Variants in VPS13C observed in about 807,000 individuals in gnomAD.
VPS13C encodes the protein intermembrane lipid transfer protein VPS13C.
A neutral mutation model predicts 456.8 loss-of-function variants in VPS13C; 358 were observed. That is an observed-to-expected ratio of 0.78 (90% CI 0.72 to 0.86). The LOEUF (loss-of-function observed/expected upper bound fraction) is 0.86, where lower values mean the gene tolerates loss of function less well. Among genes scored for constraint, VPS13C ranks in the 40% least tolerant of loss-of-function variants. The probability of loss-of-function intolerance (pLI) is 0.00; values close to 1 mark genes in which losing one functional copy is unlikely to be tolerated. For missense variants in VPS13C, 4,818 were observed against 4,385.4 expected, an observed-to-expected ratio of 1.10 and a Z score of -2.79; for synonymous variants, 1,578 against 1,486.7, an observed-to-expected ratio of 1.06 and a Z score of -1.41.
At chr15:61,891,185 T>A (rs781741451) in intron 66 of VPS13C, among the ~76,000 whole-genome samples, 2 of 152,206 alleles carry the variant, frequency 1.3e-5, no homozygotes, top group Non-Finnish European at 2.9e-5. Context: ...ATATGAGGCT[T>A]GATTTGGTCA....
chr15:61,949,348 A>G, intron 42 of VPS13C, 95 bp downstream of exon 42: 6 of 1,424,184 alleles, frequency 4.2e-6, no homozygotes, highest in Non-Finnish European at 5.8e-6. Flanking sequence ...CAGCAATGTC[A>G]ACATGCTAAA....
At position 61,973,489 on chromosome 15, in the gene VPS13C, A is replaced by G. The variant is rs1401153906; in HGVS notation, c.2582T>C (p.Leu861Pro). ...AGTGTCTAGCAATAGTGAAGTACCAAGTAGACCTTTTGTACCACCTGAAAT... is the reference window on the plus strand; with the variant it reads ...AGTGTCTAGCAATAGTGAAGTACCAGGTAGACCTTTTGTACCACCTGAAAT... ...PIISGGTKGL[L>P]GTSLLLDTVE... Residue 861 changes from leucine to proline, a missense_variant, in exon 26 of 85, where the codon CTT becomes CCT. Physicochemically the swap from Leu to Pro is moderately conservative, Grantham distance 98. Around this residue, in one of 3 missense-constraint regions of VPS13C, gnomAD observed 4,552 missense variants for 4,130.6 expected, o/e 1.10. Coordinates refer to ENST00000644861, the MANE Select transcript of VPS13C (RefSeq NM_020821.3). 1.1e-5 allele frequency: 17 copies of G among 1,612,676 alleles called. No individual in the cohort carries two copies. Among genetic ancestry groups the G allele is most frequent in the Non-Finnish European group, 1.4e-5 (17 of 1,179,032 alleles).
intron 3 of VPS13C, among the ~76,000 whole-genome samples, chr15:62,039,535 A>T (rs952003485): frequency 1.4e-4 from 22 of 152,188 alleles, no homozygotes; most frequent in African/African-American, 4.8e-4. Context: ...AATCTGATTT[A>T]AAAATGAGCA....
chr15:61,979,224 G>C (rs921456297), intron 22 of VPS13C, among the ~76,000 whole-genome samples: 1 of 152,160 alleles, frequency 6.6e-6, no homozygotes, highest in Non-Finnish European at 1.5e-5. Context: ...ATCAATTCAG[G>C]AGTATACAAG....
chr15:62,003,636 C>G (rs933742440), intron 15 of VPS13C, among the ~76,000 whole-genome samples: 11 of 151,902 alleles, frequency 7.2e-5, no homozygotes, highest in African/African-American at 1.9e-4. Flanking sequence ...TGCCCATTCA[C>G]TATGATATTG....
rs773068496 is a variant in VPS13C at position 61,890,271 on chromosome 15, C to T, written c.9235G>A (p.Glu3079Lys). ...ATTTCATAATCAGCCTGTTCCATTT[C>T]TTCTGCCTGCAGTGCTTTGGAAACC... The part of the protein sequence containing the change: ...ALVSKALQAE[E>K]MEQADYEITL... Residue 3079 changes from glutamate (E) to lysine (K), a missense_variant, in exon 67 of 85, where the codon GAA (glutamate) becomes AAA (lysine). Glu to Lys is a moderately conservative substitution (Grantham distance 56, BLOSUM62 1). Transcript: ENST00000644861. The T allele has an allele frequency of 2.5e-6, 4 of 1,613,964 alleles. No homozygotes were observed. In the East Asian group the frequency reaches 8.9e-5, roughly 36 times the overall value.
At position 61,996,680 on chromosome 15, in the gene VPS13C, T is replaced by C. The variant is rs138036017; in HGVS notation, c.1353+3884A>G. 6.9e-3 allele frequency among the ~76,000 whole-genome samples: 1,046 copies of C among 151,774 alleles called. 9 individuals carry two copies. Among genetic ancestry groups the C allele is most frequent in the African/African-American group, 0.024 (997 of 41,366 alleles). The stretch of plus-strand genomic sequence containing the variant: ...ATGCAAACTATAAAAAAAAACTCAA[T>C]AGTAATTTTAGACCTGAAAAATATA... On this transcript the variant is annotated intron_variant, in intron 16 of 84. Transcript: ENST00000644861.
chr15:61,868,543 T>C lies in VPS13C; in HGVS notation c.10863+116A>G, dbSNP rs12591667. ...CAATCAAATTCTACTCTAGAAACTA[T>C]GTATAATACTTAAAGCAGTTCAAGA... On this transcript the variant is annotated intron_variant, in intron 81 of 84. Transcript: ENST00000644861. The C allele has an allele frequency of 0.058, 45,887 of 787,744 alleles. 2,568 individuals carry two copies. Among genetic ancestry groups the C allele is most frequent in the East Asian group, 0.22 (8,064 of 37,260 alleles). The allele number at this position is 787,744 out of a possible 1,614,324, so 48.8% of individuals were successfully genotyped here.
chr15:62,013,624 TTTAA>T (rs2047123215), intron 10 of VPS13C, among the ~76,000 whole-genome samples: 1 of 152,074 alleles, frequency 6.6e-6, no homozygotes, highest in African/African-American at 2.4e-5. Flanking sequence ...AGCTTAGTAC[TTTAA>T]TCAATAATCT....
At position 61,936,693 on chromosome 15, in the gene VPS13C, C is replaced by G. The variant is rs371161383; in HGVS notation, c.5659G>C (p.Gly1887Arg). Residue 1887 changes from glycine to arginine, a missense_variant, in exon 48 of 85, where the codon GGA (glycine) becomes CGA (arginine). Physicochemically the swap from Gly to Arg is moderately radical, Grantham distance 125. Around this residue, in one of 3 missense-constraint regions of VPS13C, gnomAD observed 4,552 missense variants for 4,130.6 expected, o/e 1.10. Coordinates refer to ENST00000644861, the MANE Select transcript of VPS13C (RefSeq NM_020821.3). Reference protein sequence around the residue: ...VLMKILLENLGEASSQPSPTQ... With the variant: ...VLMKILLENLREASSQPSPTQ... ...GGGCTTGGTTGTGAGGAAGCTTCTC[C>G]AAGATTTTCTAGCAAAATTTTCATT... 6.2e-7 allele frequency: 1 copy of G among 1,612,180 alleles called. No individual in the cohort carries two copies. Among genetic ancestry groups the G allele is most frequent in the Non-Finnish European group, 8.5e-7 (1 of 1,179,216 alleles).
intron 22 of VPS13C, 107 bp from the exon 23 acceptor site, chr15:61,978,856 C>G: frequency 9.3e-7 from 1 of 1,076,180 alleles, no homozygotes; most frequent in African/African-American, 1.6e-5. Flanking sequence ...TAAAACCTAA[C>G]AAATTGAAAA....
At position 61,894,018 on chromosome 15, in the gene VPS13C, C is replaced by A. The variant is rs190074996; in HGVS notation, c.9106-3618G>T. ...AGAAAGAGGGGCATTATAAAAGAAT[C>A]AGAAAGGCCAGGCACAGTGGCTCAT... On this transcript the variant is annotated intron_variant, in intron 66 of 84. Transcript: ENST00000644861. 5.3e-5 allele frequency among the ~76,000 whole-genome samples: 8 copies of A among 152,092 alleles called. No individual in the cohort carries two copies. The East Asian group carries it at 1.2e-3, about 22-fold the overall frequency.
chr15:62,015,273 G>T (rs8027343), intron 9 of VPS13C, among the ~76,000 whole-genome samples: 1 of 152,130 alleles, frequency 6.6e-6, no homozygotes, highest in African/African-American at 2.4e-5. Flanking sequence ...AACAGGCAAA[G>T]GATAAACTAG....
chr15:61,962,399 T>C lies in VPS13C; in HGVS notation c.3575A>G (p.Tyr1192Cys), dbSNP rs748271492. The C allele has an allele frequency of 3.8e-6, 6 of 1,595,394 alleles. No homozygotes were observed. The Admixed American group carries it at 5.1e-5, about 14-fold the overall frequency. ...SLNVGCIQIV[Y>C]LHKFLMSLLN... The stretch of plus-strand genomic sequence containing the variant: ...AAGTGACATAAGGAATTTATGAAGA[T>C]AGACAATCTGAATACAGCCAACATT... The change falls in exon 34 of 85, where the codon TAT becomes TGT. Residue 1192 changes from tyrosine (Y) to cysteine (C), a missense_variant. By Grantham distance (194) the Tyr-to-Cys change is radical (BLOSUM62 -2). Around this residue, in one of 3 missense-constraint regions of VPS13C, gnomAD observed 4,552 missense variants for 4,130.6 expected, o/e 1.10. Transcript: ENST00000644861.
Position 62,014,006 on chromosome 15 carries a change from G to T in VPS13C, c.685-14C>A, listed in dbSNP as rs558738141. 3.1e-6 allele frequency: 5 copies of T among 1,602,660 alleles called. No individual in the cohort carries two copies. Among genetic ancestry groups the T allele is most frequent in the Admixed American group, 1.7e-5 (1 of 58,802 alleles). On this transcript the variant is annotated splice_polypyrimidine_tract_variant and intron_variant, in intron 9 of 84. Coordinates refer to ENST00000644861, the MANE Select transcript of VPS13C (RefSeq NM_020821.3). The stretch of plus-strand genomic sequence containing the variant: ...TTCATTTGCAGTCTAAAAGAAAAAA[G>T]GGAATACCTGTGAAACGTGGTATGG...
chr15:61,854,632 A>G (rs1340379808), intron 84 of VPS13C, 74 bp from the exon 85 acceptor site: 1 of 1,472,650 alleles, frequency 6.8e-7, no homozygotes, highest in Non-Finnish European at 9.5e-7. Flanking sequence ...AAGGTATGAA[A>G]GCAAGGGCTG....
At chr15:61,904,290 G>C (rs548710154) in intron 66 of VPS13C, among the ~76,000 whole-genome samples, 131 of 136,308 alleles carry the variant, frequency 9.6e-4, no homozygotes, top group African/African-American at 3.1e-3. Flanking sequence ...GCTTGGTGGA[G>C]TGTTTTGAAT....
intron 6 of VPS13C, among the ~76,000 whole-genome samples, chr15:62,025,831 T>C (rs1424143962): frequency 2.6e-5 from 4 of 152,060 alleles, no homozygotes; most frequent in South Asian, 2.1e-4. Flanking sequence ...AAGAACTTTT[T>C]ATTTATGTGG....
chr15:62,041,266 A>G (rs2048232551), intron 3 of VPS13C, 58 bp downstream of exon 3: 6 of 1,549,356 alleles, frequency 3.9e-6, no homozygotes, highest in Non-Finnish European at 4.4e-6. Flanking sequence ...TAAATAACAC[A>G]AGCAAAATAG....
Sources: gnomAD v4.1 joint callset for allele counts (sites outside exome capture counted in the v4.1 genomes callset) on GRCh38, gnomAD v4.1.1 for gene constraint, gnomAD v4.1.1 regional missense constraint, MANE v1.5 for transcripts, NCBI Gene and HGNC (gene_info 2026-07-23, HGNC 2026-07-21) for gene names.